The following TENM3 variants were observed in gnomAD, a reference collection of about 807,000 sequenced individuals.
TENM3 encodes the protein teneurin transmembrane protein 3.
A neutral mutation model predicts 255.1 loss-of-function variants in TENM3; 63 were observed. The ratio of observed to expected loss-of-function variants is 0.25; its 90% CI spans 0.20 to 0.30. The LOEUF (loss-of-function observed/expected upper bound fraction) is 0.30, where lower values mean the gene tolerates loss of function less well. Among genes scored for constraint, TENM3 ranks in the 10% least tolerant of loss-of-function variants. TENM3 has a pLI of 1.00. For synonymous variants in TENM3, 1,306 were observed against 1,322.3 expected (o/e 0.99, Z 0.27); for missense variants, 2,929 against 3,461.1 (o/e 0.85, Z 3.86).
intron 11 of TENM3, among the ~76,000 whole-genome samples, chr4:182,685,035 T>G (rs891549645): frequency 2.0e-5 from 3 of 152,166 alleles, no homozygotes; most frequent in African/African-American, 7.2e-5. Flanking sequence ...TACTACAGAT[T>G]GAATCCTGGA....
chr4:181,746,242 C>A, the TENM3 span, among the ~76,000 whole-genome samples: 1 of 152,094 alleles, frequency 6.6e-6, no homozygotes, highest in Non-Finnish European at 1.5e-5. Flanking sequence ...ATCTAGACTG[C>A]AACCATGTTA....
At chr4:182,049,691 G>A in the TENM3 span, among the ~76,000 whole-genome samples, 5 of 152,204 alleles carry the variant, frequency 3.3e-5, no homozygotes, top group South Asian at 2.1e-4. Context: ...TCTGATTACC[G>A]TTTAAGAGGA....
At chr4:181,466,629 A>T in the TENM3 span, among the ~76,000 whole-genome samples, 1 of 152,152 alleles carries the variant, frequency 6.6e-6, no homozygotes, top group Non-Finnish European at 1.5e-5. Flanking sequence ...ATTTAAAATC[A>T]CTCATCGAGC....
chr4:182,664,732 G>A (rs1044043204), intron 6 of TENM3, among the ~76,000 whole-genome samples: 12 of 152,152 alleles, frequency 7.9e-5, no homozygotes, highest in African/African-American at 2.9e-4. Context: ...TTACTGATAA[G>A]GAGAACATTT....
the TENM3 span, among the ~76,000 whole-genome samples, chr4:181,466,771 A>G: frequency 6.6e-6 from 1 of 152,098 alleles, no homozygotes; most frequent in Non-Finnish European, 1.5e-5. Flanking sequence ...AATTGATTAA[A>G]ATGTGAAATA....
chr4:182,481,595 G>A (rs753603541), intron 3 of TENM3, among the ~76,000 whole-genome samples: 1 of 150,472 alleles, frequency 6.6e-6, no homozygotes, highest in Non-Finnish European at 1.5e-5. Context: ...AGGCGTTCAC[G>A]ACCGGCCTGA....
At chr4:182,362,119 C>G (rs1766043181) in intron 3 of TENM3, among the ~76,000 whole-genome samples, 2 of 152,116 alleles carry the variant, frequency 1.3e-5, no homozygotes, top group Admixed American at 1.3e-4. Context: ...AGGTGTTAGT[C>G]TGCCCCTACT....
chr4:182,555,012 G>A (rs982917752), intron 3 of TENM3, among the ~76,000 whole-genome samples: 8 of 152,062 alleles, frequency 5.3e-5, no homozygotes, highest in African/African-American at 1.2e-4. Flanking sequence ...TCAAGCATAC[G>A]ATGTAGTAAT....
At chr4:181,689,770 C>T in the TENM3 span, among the ~76,000 whole-genome samples, 3 of 152,056 alleles carry the variant, frequency 2.0e-5, no homozygotes, top group African/African-American at 7.2e-5. Flanking sequence ...GTTTGATGGA[C>T]TGAAAAAGGA....
At chr4:181,599,145 G>A in the TENM3 span, among the ~76,000 whole-genome samples, 4 of 152,180 alleles carry the variant, frequency 2.6e-5, no homozygotes, top group East Asian at 5.8e-4. Flanking sequence ...CAAGCACATA[G>A]GTAGAATATT....
At position 182,324,070 on chromosome 4, in the gene TENM3, G is replaced by T; in HGVS notation, c.50G>T (p.Arg17Leu). The change falls in exon 2 of 28, where the codon CGA becomes CTA. Residue 17 changes from arginine (R) to leucine (L), a missense_variant. Physicochemically the swap from Arg to Leu is moderately radical, Grantham distance 102 (BLOSUM62 -2). Coordinates refer to ENST00000511685, the MANE Select transcript of TENM3 (RefSeq NM_001080477.4). ...RPYCSLTKSR[R>L]EKERRYTNSS... ...TACTGCTCCCTGACCAAGAGCAGACGAGAGAAGGAACGGCGCTACACAAAT... is the reference window on the plus strand; with the variant it reads ...TACTGCTCCCTGACCAAGAGCAGACTAGAGAAGGAACGGCGCTACACAAAT... 1 of 1,613,992 alleles carries T rather than the reference G, an allele frequency of 6.2e-7. No individual in the cohort carries two copies. The highest frequency in any genetic ancestry group is 8.5e-7 in the Non-Finnish European group (1 of 1,179,902).
At chr4:181,872,237 G>A in the TENM3 span, among the ~76,000 whole-genome samples, 1 of 151,206 alleles carries the variant, frequency 6.6e-6, no homozygotes, top group Non-Finnish European at 1.5e-5. Flanking sequence ...AAATATATGT[G>A]TGTATACATA....
At chr4:182,124,646 AC>A in the TENM3 span, among the ~76,000 whole-genome samples, 2 of 152,168 alleles carry the variant, frequency 1.3e-5, no homozygotes, top group Non-Finnish European at 2.9e-5. Flanking sequence ...TCAGGAGAGA[AC>A]GGTGTCCAGA....
chr4:182,108,179 C>T, the TENM3 span, among the ~76,000 whole-genome samples: 2,280 of 152,298 alleles, frequency 0.015, 49 homozygotes, highest in African/African-American at 0.052. Context: ...CTATTCCCAG[C>T]TCTCAGCCAC....
the TENM3 span, among the ~76,000 whole-genome samples, chr4:181,839,553 T>A: frequency 6.7e-6 from 1 of 149,426 alleles, no homozygotes. Flanking sequence ...GCCTTTAAAA[T>A]TAGCCTTGTT....
At chr4:181,508,591 A>G in the TENM3 span, among the ~76,000 whole-genome samples, 3 of 152,336 alleles carry the variant, frequency 2.0e-5, no homozygotes, top group South Asian at 2.1e-4. Flanking sequence ...TTTAATACGT[A>G]CATACACTTT....
At chr4:182,488,496 T>G (rs1375356271) in intron 3 of TENM3, among the ~76,000 whole-genome samples, 1 of 152,124 alleles carries the variant, frequency 6.6e-6, no homozygotes, top group African/African-American at 2.4e-5. Context: ...ATATTAAACA[T>G]AGTGCTGGAG....
chr4:181,677,327 T>C, the TENM3 span, among the ~76,000 whole-genome samples: 1 of 152,090 alleles, frequency 6.6e-6, no homozygotes, highest in African/African-American at 2.4e-5. Context: ...TCAACCAAAC[T>C]TTAGAGTTCG....
intron 1 of TENM3, among the ~76,000 whole-genome samples, chr4:182,262,765 A>G (rs2675520): frequency 0.38 from 54,472 of 144,344 alleles, 11,526 homozygotes; most frequent in African/African-American, 0.57. Context: ...CCAGGCTGGA[A>G]TGCAGTGGCC....
Sources: gnomAD v4.1 joint callset for allele counts (sites outside exome capture counted in the v4.1 genomes callset) on GRCh38, gnomAD v4.1.1 for gene constraint, MANE v1.5 for transcripts, NCBI Gene and HGNC (gene_info 2026-07-23, HGNC 2026-07-21) for gene names.